Variants in KDM7A observed in about 807,000 individuals in gnomAD.
The protein encoded by KDM7A is lysine-specific demethylase 7A.
In KDM7A, 28 loss-of-function variants were observed where a neutral mutation model predicts 114.8. The ratio of observed to expected loss-of-function variants is 0.24; its 90% CI spans 0.18 to 0.33. The LOEUF (loss-of-function observed/expected upper bound fraction) is 0.33. KDM7A is among the 10% of genes least tolerant of loss of function. The pLI is 1.00. For synonymous variants in KDM7A, 423 were observed against 397.8 expected, an observed-to-expected ratio of 1.06 and a Z score of -0.75; for missense variants, 942 against 1,142.5, an observed-to-expected ratio of 0.82 and a Z score of 2.53.
chr7:140,138,537 C>G (rs1818904945), intron 2 of KDM7A, among the ~76,000 whole-genome samples: 1 of 152,068 alleles, frequency 6.6e-6, no homozygotes, highest in African/African-American at 2.4e-5. Flanking sequence ...GGTCAGAAAC[C>G]TGGTCTGGTG....
At position 140,096,686 on chromosome 7, in the gene KDM7A, G is replaced by T. The variant is rs778505695; in HGVS notation, c.2243C>A (p.Thr748Lys). 5.0e-6 allele frequency: 8 copies of T among 1,614,140 alleles called. No homozygotes were observed. The highest frequency in any genetic ancestry group is 5.9e-6 in the Non-Finnish European group (7 of 1,179,998). Residue 748 changes from threonine to lysine, a missense_variant, in exon 17 of 20, where the codon ACG becomes AAG. Coordinates refer to ENST00000397560, the MANE Select transcript of KDM7A (RefSeq NM_030647.2). ...MLSMAGLHYS[T>K]CLQRQIQSTD... ...GCTTTGTATTTGCCTTTGTAAACAC[G>T]TGGAATAGTGCAACCCTGCCATAGA...
At position 140,091,737 on chromosome 7, in the gene KDM7A, T is replaced by G; in HGVS notation, c.2731+67A>C. The G allele has an allele frequency of 2.6e-6, 4 of 1,544,882 alleles. No homozygotes were observed. In the Admixed American group the frequency reaches 7.1e-5, roughly 27 times the overall value. Reference sequence around the variant, plus strand: ...ACAACTTGAGTGCAGAGACTACACCTCAACTGCCATGATGACCATCACATA... The same window carrying G: ...ACAACTTGAGTGCAGAGACTACACCGCAACTGCCATGATGACCATCACATA... On this transcript the variant is annotated intron_variant, in intron 19 of 19. Coordinates refer to ENST00000397560, the MANE Select transcript of KDM7A (RefSeq NM_030647.2).
At position 140,086,518 on chromosome 7, in the gene KDM7A, C is replaced by T. The variant is rs943609238; in HGVS notation, c.*4576G>A. On this transcript the variant is annotated 3_prime_UTR_variant, in exon 20 of 20. Transcript: ENST00000397560. ...TATGTTAAGGATATCAAATATTTGA[C>T]TTTACAGCATGAAAAAGAGGGAAGG... 6.6e-6 allele frequency: 1 copy of T among 152,144 alleles called. No individual in the cohort carries two copies. Among genetic ancestry groups the T allele is most frequent in the Non-Finnish European group, 1.5e-5 (1 of 68,018 alleles). The allele number at this position is 152,144 out of a possible 1,614,324, so 9.4% of individuals were successfully genotyped here.
chr7:140,089,016 G>T lies in KDM7A; in HGVS notation c.*2078C>A, dbSNP rs1004420466. Reference sequence around the variant, plus strand: ...AAGGAAATTATAGCTCTTACACCTCGTATTTCTTAACCCAAAATAAAAACA... The same window carrying T: ...AAGGAAATTATAGCTCTTACACCTCTTATTTCTTAACCCAAAATAAAAACA... On this transcript the variant is annotated 3_prime_UTR_variant, in exon 20 of 20. Transcript: ENST00000397560. 1 of 152,092 alleles carries T rather than the reference G, an allele frequency of 6.6e-6. No individual in the cohort carries two copies. Among genetic ancestry groups the T allele is most frequent in the African/African-American group, 2.4e-5 (1 of 41,406 alleles). 9.4% of individuals were successfully genotyped at this position (152,092 alleles called of 1,614,324 possible).
intron 11 of KDM7A, among the ~76,000 whole-genome samples, chr7:140,105,762 C>T (rs1043888916): frequency 2.0e-5 from 3 of 151,926 alleles, no homozygotes; most frequent in East Asian, 1.9e-4. Flanking sequence ...TTTTTTGTTG[C>T]GCCTCTGCCA....
intron 10 of KDM7A, among the ~76,000 whole-genome samples, chr7:140,112,850 T>C (rs1219403911): frequency 1.3e-5 from 2 of 152,234 alleles, no homozygotes; most frequent in Non-Finnish European, 2.9e-5. Flanking sequence ...AAGGAAACAC[T>C]AATTCCAAAT....
chr7:140,141,342 A>G (rs1794270230), intron 1 of KDM7A, among the ~76,000 whole-genome samples: 1 of 152,030 alleles, frequency 6.6e-6, no homozygotes, highest in Non-Finnish European at 1.5e-5. Flanking sequence ...CACAGAAAAC[A>G]AAAACAAAAA....
chr7:140,092,335 G>A (rs142745535), intron 18 of KDM7A, among the ~76,000 whole-genome samples: 32 of 152,280 alleles, frequency 2.1e-4, no homozygotes, highest in African/African-American at 7.5e-4. Context: ...CAGGCACCAC[G>A]CCCTACTTGC....
Position 140,131,157 on chromosome 7 carries a change from G to A in KDM7A, c.399-1504C>T, listed in dbSNP as rs111266136. 5.3e-4 allele frequency among the ~76,000 whole-genome samples: 80 copies of A among 152,062 alleles called. 1 individual carries two copies. The highest frequency in any genetic ancestry group is 1.8e-3 in the African/African-American group (75 of 41,470). ...GCTGGGATTACAGGCGTGAGCCACC[G>A]CGCCAGGCCTAGTAAGTCTTAATAC... On this transcript the variant is annotated intron_variant, in intron 3 of 19. Coordinates refer to ENST00000397560, the MANE Select transcript of KDM7A (RefSeq NM_030647.2).
intron 1 of KDM7A, among the ~76,000 whole-genome samples, chr7:140,173,668 A>G (rs921867917): frequency 5.9e-5 from 9 of 152,204 alleles, no homozygotes; most frequent in South Asian, 2.1e-4. Context: ...CTCTGGTCCA[A>G]TGAAATCTAA....
chr7:140,103,246 T>C (rs1301682030), intron 11 of KDM7A, among the ~76,000 whole-genome samples: 2 of 152,200 alleles, frequency 1.3e-5, no homozygotes, highest in African/African-American at 4.8e-5. Context: ...GTGACTGGCT[T>C]ATTTCACTTA....
At chr7:140,126,596 T>G (rs770146870) in intron 6 of KDM7A, 41 bp downstream of exon 6, 1 of 1,314,018 alleles carries the variant, frequency 7.6e-7, no homozygotes, top group Non-Finnish European at 1.0e-6. Context: ...TAGGGCTATA[T>G]GTTTTTGTCA....
intron 9 of KDM7A, among the ~76,000 whole-genome samples, chr7:140,115,598 T>G (rs1363833225): frequency 6.6e-6 from 1 of 152,002 alleles, no homozygotes; most frequent in Non-Finnish European, 1.5e-5. Flanking sequence ...GAAGGTAGCA[T>G]GCTCGTTAAG....
intron 3 of KDM7A, among the ~76,000 whole-genome samples, chr7:140,130,232 C>T (rs1043378703): frequency 3.9e-5 from 6 of 152,044 alleles, no homozygotes; most frequent in African/African-American, 7.2e-5. Context: ...TTGTAATGAA[C>T]GGTTAGATTT....
In KDM7A at chr7:140,119,104, A is replaced by T. The variant is rs556795465; in HGVS notation, c.1246+9T>A. 7 of 1,512,320 alleles carry T rather than the reference A, an allele frequency of 4.6e-6. No homozygotes were observed. In the Admixed American group the frequency reaches 1.2e-4, roughly 26 times the overall value. 93.7% of individuals were successfully genotyped at this position (1,512,320 alleles called of 1,614,324 possible). ...CATATCATATACAAACATGCAAATT[A>T]TTAATTACCTTTCAGGGTTTCCAGC... On this transcript the variant is annotated intron_variant, in intron 9 of 19. Transcript: ENST00000397560.
chr7:140,094,508 G>GAA (rs1386798251), intron 17 of KDM7A, among the ~76,000 whole-genome samples: 2 of 147,388 alleles, frequency 1.4e-5, no homozygotes, highest in African/African-American at 5.0e-5. Flanking sequence ...CCATCTTGGG[G>GAA]GAAAAAAAAA....
chr7:140,110,550 A>C (rs1818413931), intron 11 of KDM7A, among the ~76,000 whole-genome samples: 1 of 152,156 alleles, frequency 6.6e-6, no homozygotes, highest in Non-Finnish European at 1.5e-5. Flanking sequence ...CTAACAGAAC[A>C]ACCTTCTTGA....
rs553532520 is a variant in KDM7A at position 140,137,857 on chromosome 7, A to G, written c.280+1248T>C. Among the ~76,000 whole-genome samples the G allele has an allele frequency of 3.3e-5, 5 of 152,338 alleles. No individual in the cohort carries two copies. The South Asian group carries it at 8.3e-4, about 25-fold the overall frequency. On this transcript the variant is annotated intron_variant, in intron 2 of 19. Transcript: ENST00000397560. ...CAAAATGTCTACTCTATTGGAAAAA[A>G]GTACTAGGAAAAAAGCTGCATGTAA...
At chr7:140,162,264 G>T (rs1467525766) in intron 1 of KDM7A, among the ~76,000 whole-genome samples, 1 of 151,858 alleles carries the variant, frequency 6.6e-6, no homozygotes. Flanking sequence ...AAACCCAGGA[G>T]GCGGAAGTTG....
Sources: allele counts gnomAD v4.1 joint callset (sites outside exome capture counted in the v4.1 genomes callset), GRCh38; gene constraint gnomAD v4.1.1; transcripts MANE v1.5; gene names NCBI Gene and HGNC (gene_info 2026-07-23, HGNC 2026-07-21).